ZNF536: variants seen among roughly 807,000 people sequenced by gnomAD.
ZNF536 encodes zinc finger protein 536.
A neutral mutation model predicts 84.5 loss-of-function variants in ZNF536; 13 were observed. The observed-to-expected ratio is 0.15, with a 90% confidence interval of 0.10 to 0.24. ZNF536 has a LOEUF of 0.24. Ranked by LOEUF, ZNF536 falls within the 10% of genes least tolerant of loss-of-function variation. ZNF536 has a pLI of 1.00. For missense variants in ZNF536, 1,536 were observed against 1,747.5 expected (o/e 0.88, Z 2.16); for synonymous variants, 811 against 742.5 (o/e 1.09, Z -1.50).
intron 1 of ZNF536, among the ~76,000 whole-genome samples, chr19:30,661,517 A>AC (rs145517475): frequency 0.012 from 1,896 of 152,370 alleles, 18 homozygotes; most frequent in Middle Eastern, 0.027. Flanking sequence ...CAAATAAAAA[A>AC]TAAGTATCAA....
rs2148210705 is a variant in ZNF536, at chr19:30,445,080, G to A, written c.1518G>A (p.Leu506=). The A allele has an allele frequency of 6.2e-7, 1 of 1,613,516 alleles. No homozygotes were observed. Among genetic ancestry groups the A allele is most frequent in the Non-Finnish European group, 8.5e-7 (1 of 1,180,024 alleles). ...PPLKSSCIER[L]QAAAKAAEMD... ...TGAAATCCAGCTGCATCGAGCGGCT[G>A]CAGGCGGCTGCCAAGGCTGCGGAGA... The change falls in exon 2 of 5, where the codon CTG becomes CTA. Residue 506 remains leucine (L), a synonymous_variant. Transcript: ENST00000355537. This position sits in a 1 kb window ranked among gnomAD's most constrained non-coding sequence, Gnocchi z 4.5.
At chr19:30,396,953 C>T (rs1420536750) in intron 1 of ZNF536, among the ~76,000 whole-genome samples, 1 of 152,166 alleles carries the variant, frequency 6.6e-6, no homozygotes. Flanking sequence ...CAGCTAGGCA[C>T]CTCCACCTTC....
chr19:30,535,257 G>A lies in ZNF536; in HGVS notation c.2323+258G>A, dbSNP rs112798127. The stretch of plus-strand genomic sequence containing the variant: ...GGTCCTGGCCTGGGATAACTGGGTC[G>A]CGTCTGAGCCTCTAGGGCGTTTTGC... On this transcript the variant is annotated intron_variant, in intron 3 of 4. Transcript: ENST00000355537. Among the ~76,000 whole-genome samples the A allele has an allele frequency of 5.3e-3, 811 of 152,268 alleles. 5 individuals are homozygous for A. Among genetic ancestry groups the A allele is most frequent in the African/African-American group, 0.018 (730 of 41,558 alleles).
intron 2 of ZNF536, among the ~76,000 whole-genome samples, chr19:30,460,962 C>T (rs183705956): frequency 2.6e-5 from 4 of 152,264 alleles, no homozygotes; most frequent in Admixed American, 6.5e-5. Flanking sequence ...AAGATGCCTG[C>T]CCCCCAAACC....
intron 2 of ZNF536, among the ~76,000 whole-genome samples, chr19:30,473,499 G>T (rs2053725016): frequency 6.6e-6 from 1 of 152,058 alleles, no homozygotes; most frequent in South Asian, 2.1e-4. Flanking sequence ...TAAATCTTAG[G>T]CTTCTGTCCA....
At chr19:30,530,726 G>T (rs545054798) in intron 2 of ZNF536, among the ~76,000 whole-genome samples, 26 of 152,276 alleles carry the variant, frequency 1.7e-4, no homozygotes, top group South Asian at 1.0e-3. Context: ...ACCAGTGACT[G>T]CTTTCTCCAC....
intron 3 of ZNF536, among the ~76,000 whole-genome samples, chr19:30,543,153 G>A (rs796762298): frequency 1.3e-4 from 20 of 152,278 alleles, no homozygotes; most frequent in African/African-American, 4.3e-4. Context: ...GCCCACAGTT[G>A]GTTAGAGTTG....
At chr19:30,484,007 C>T (rs2054193392) in intron 2 of ZNF536, among the ~76,000 whole-genome samples, 1 of 152,052 alleles carries the variant, frequency 6.6e-6, no homozygotes, top group Non-Finnish European at 1.5e-5. Context: ...GCCAGGCTGA[C>T]TTCTGCCTTC....
At chr19:30,316,246 T>C (rs1000574078) in intron 2 of ZNF536, among the ~76,000 whole-genome samples, 2 of 152,168 alleles carry the variant, frequency 1.3e-5, no homozygotes, top group Non-Finnish European at 2.9e-5. Context: ...TCTACCAATA[T>C]TGTATGCATA....
At chr19:30,305,691 T>C (rs2867024) in intron 2 of ZNF536, among the ~76,000 whole-genome samples, 48,766 of 152,016 alleles carry the variant, frequency 0.32, 10,909 homozygotes, top group East Asian at 0.6. Flanking sequence ...CAGATCTGGG[T>C]TTGGGGTTTG....
At chr19:30,489,154 G>A (rs1277285387) in intron 2 of ZNF536, among the ~76,000 whole-genome samples, 2 of 152,182 alleles carry the variant, frequency 1.3e-5, no homozygotes, top group Non-Finnish European at 2.9e-5. Context: ...ACCCAAAGGG[G>A]ACAAGGCTTA....
intron 2 of ZNF536, among the ~76,000 whole-genome samples, chr19:30,347,277 C>T (rs769075571): frequency 3.3e-5 from 5 of 152,076 alleles, no homozygotes; most frequent in South Asian, 2.1e-4. Context: ...TCAAGCATAT[C>T]GGTGGAGCTT....
At chr19:30,383,835 T>TTTCCTTCCTTCC (rs200232895) in intron 1 of ZNF536, among the ~76,000 whole-genome samples, 84 of 95,520 alleles carry the variant, frequency 8.8e-4, no homozygotes, top group African/African-American at 3.6e-3. Context: ...TTTCTCCTTC[T>TTTCCTTCCTTCC]TTCCTTCCTT....
At chr19:30,320,247 G>T (rs951082640) in intron 2 of ZNF536, among the ~76,000 whole-genome samples, 9 of 152,130 alleles carry the variant, frequency 5.9e-5, no homozygotes, top group African/African-American at 2.2e-4. Context: ...GATGGTCACT[G>T]TCATTTATTT....
intron 1 of ZNF536, among the ~76,000 whole-genome samples, chr19:30,623,749 GT>G: frequency 6.6e-6 from 1 of 152,318 alleles, no homozygotes; most frequent in Admixed American, 6.5e-5. Context: ...TTTCTGCTTA[GT>G]TTGTCTCCAG....
chr19:30,520,759 A>G (rs1166160177), intron 2 of ZNF536, among the ~76,000 whole-genome samples: 2 of 151,890 alleles, frequency 1.3e-5, no homozygotes, highest in Non-Finnish European at 2.9e-5. Flanking sequence ...TACCTTTTTC[A>G]TACTTTAGAC....
chr19:30,345,248 C>CG (rs955561766), intron 2 of ZNF536, among the ~76,000 whole-genome samples: 58 of 152,080 alleles, frequency 3.8e-4, no homozygotes, highest in Middle Eastern at 6.8e-3. Flanking sequence ...GGGGCTCCCC[C>CG]CAGCATGAGT....
intron 1 of ZNF536, among the ~76,000 whole-genome samples, chr19:30,403,916 A>G (rs1477768648): frequency 6.6e-6 from 1 of 151,946 alleles, no homozygotes; most frequent in Non-Finnish European, 1.5e-5. Context: ...CGTAAATGTA[A>G]TCTCCACTTG....
intron 1 of ZNF536, among the ~76,000 whole-genome samples, chr19:30,619,879 C>T (rs1467947042): frequency 7.2e-5 from 11 of 152,172 alleles, no homozygotes; most frequent in African/African-American, 2.4e-4. Flanking sequence ...AGGTGCCAGG[C>T]AAGTGACATG....
Sources: allele counts gnomAD v4.1 joint callset (sites outside exome capture counted in the v4.1 genomes callset), GRCh38; gene constraint gnomAD v4.1.1; non-coding constraint Gnocchi (gnomAD v3.1); transcripts MANE v1.5; gene names NCBI Gene and HGNC (gene_info 2026-07-23, HGNC 2026-07-21).